Variants in FHIT observed in about 807,000 individuals in gnomAD.
FHIT encodes the protein bis(5'-adenosyl)-triphosphatase.
FHIT carries 19 observed loss-of-function variants against 17.9 expected under a neutral mutation model. The ratio of observed to expected loss-of-function variants is 1.06; its 90% CI spans 0.74 to 1.56. The LOEUF (loss-of-function observed/expected upper bound fraction) is 1.56, where lower values mean the gene tolerates loss of function less well. Ranked by LOEUF, FHIT falls within the 40% of genes most tolerant of loss-of-function variation. FHIT has a pLI of 0.00. For synonymous variants in FHIT, 81 were observed against 69.7 expected, an observed-to-expected ratio of 1.16 and a Z score of -0.81; for missense variants, 248 against 189.2, an observed-to-expected ratio of 1.31 and a Z score of -1.82.
intron 5 of FHIT, among the ~76,000 whole-genome samples, chr3:60,518,843 T>C (rs2035254897): frequency 6.6e-6 from 1 of 152,098 alleles, no homozygotes; most frequent in Admixed American, 6.5e-5. Flanking sequence ...ACTTCGTCTC[T>C]ACTAAAAATA....
At chr3:60,838,485 A>AAAAC (rs200216713) in intron 3 of FHIT, among the ~76,000 whole-genome samples, 25 of 152,114 alleles carry the variant, frequency 1.6e-4, no homozygotes, top group Admixed American at 3.9e-4. Context: ...AACAAAAACA[A>AAAAC]AAACAAACAA....
intron 3 of FHIT, among the ~76,000 whole-genome samples, chr3:60,943,549 T>C (rs1708507772): frequency 6.6e-6 from 1 of 152,194 alleles, no homozygotes; most frequent in African/African-American, 2.4e-5. Context: ...ATAGCTGTTC[T>C]CTCTATCCAA....
intron 5 of FHIT, among the ~76,000 whole-genome samples, chr3:60,480,452 C>T (rs1322388966): frequency 6.6e-6 from 1 of 152,170 alleles, no homozygotes; most frequent in Non-Finnish European, 1.5e-5. Flanking sequence ...CTAGCATTAA[C>T]ACAAAAGTTC....
At chr3:60,693,325 T>C (rs1398391368) in intron 4 of FHIT, among the ~76,000 whole-genome samples, 1 of 152,230 alleles carries the variant, frequency 6.6e-6, no homozygotes, top group Non-Finnish European at 1.5e-5. Context: ...TAAATAGGCA[T>C]GACTATGGCC....
At chr3:60,140,201 T>C (rs915960524) in intron 5 of FHIT, among the ~76,000 whole-genome samples, 3 of 152,174 alleles carry the variant, frequency 2.0e-5, no homozygotes, top group African/African-American at 7.2e-5. Context: ...TTTTGTACAT[T>C]TATGTACAGT....
At chr3:61,005,523 T>C (rs918842811) in intron 3 of FHIT, among the ~76,000 whole-genome samples, 2 of 152,090 alleles carry the variant, frequency 1.3e-5, no homozygotes, top group Admixed American at 1.3e-4. Flanking sequence ...CACCCTACTT[T>C]AACCTAGGAG....
intron 5 of FHIT, among the ~76,000 whole-genome samples, chr3:60,345,517 G>T (rs1710733208): frequency 6.6e-6 from 1 of 152,188 alleles, no homozygotes; most frequent in Admixed American, 6.5e-5. Flanking sequence ...ACAGAGAATG[G>T]ATAAATTATT....
At chr3:60,595,115 C>T (rs1197472006) in intron 4 of FHIT, among the ~76,000 whole-genome samples, 1 of 152,076 alleles carries the variant, frequency 6.6e-6, no homozygotes, top group Non-Finnish European at 1.5e-5. Flanking sequence ...ACAGTCTGGC[C>T]TCACCAAGAA....
At chr3:60,726,521 A>G (rs1373210960) in intron 4 of FHIT, among the ~76,000 whole-genome samples, 2 of 152,168 alleles carry the variant, frequency 1.3e-5, no homozygotes, top group Non-Finnish European at 2.9e-5. Context: ...GAGTCTGGTC[A>G]GTTTTCAGTG....
chr3:60,891,227 G>A (rs187363327), intron 3 of FHIT, among the ~76,000 whole-genome samples: 55 of 152,010 alleles, frequency 3.6e-4, no homozygotes, highest in East Asian at 1.4e-3. Flanking sequence ...CCCATCATCC[G>A]TGCACCCATC....
At chr3:60,893,821 C>T (rs1298859023) in intron 3 of FHIT, among the ~76,000 whole-genome samples, 6 of 152,170 alleles carry the variant, frequency 3.9e-5, no homozygotes, top group African/African-American at 1.4e-4. Context: ...TCAAGGATTC[C>T]ATCCACTATC....
chr3:60,103,121 C>T (rs572372651), intron 5 of FHIT, among the ~76,000 whole-genome samples: 15 of 152,158 alleles, frequency 9.9e-5, no homozygotes, highest in Admixed American at 2.0e-4. Flanking sequence ...GGTCTTTGCA[C>T]GTTCTCCTCT....
At chr3:59,974,514 G>C (rs1708325231) in intron 7 of FHIT, among the ~76,000 whole-genome samples, 2 of 152,108 alleles carry the variant, frequency 1.3e-5, no homozygotes, top group South Asian at 4.1e-4. Flanking sequence ...AACAAACACA[G>C]ACTTTATTTT....
At chr3:61,211,515 G>A (rs2039473387) in intron 1 of FHIT, among the ~76,000 whole-genome samples, 1 of 152,228 alleles carries the variant, frequency 6.6e-6, no homozygotes, top group South Asian at 2.1e-4. Context: ...CATGAACTGG[G>A]TAGAGCCCAC....
At chr3:60,322,096 C>T (rs1002880896) in intron 5 of FHIT, among the ~76,000 whole-genome samples, 3 of 152,196 alleles carry the variant, frequency 2.0e-5, no homozygotes, top group Admixed American at 2.0e-4. Flanking sequence ...TCAAGAAACA[C>T]ATTTGTCCAG....
At chr3:60,872,293 T>C (rs1314138497) in intron 3 of FHIT, among the ~76,000 whole-genome samples, 1 of 152,174 alleles carries the variant, frequency 6.6e-6, no homozygotes, top group Non-Finnish European at 1.5e-5. Flanking sequence ...TAAAAACTTG[T>C]AGCAGAAAGT....
intron 2 of FHIT, among the ~76,000 whole-genome samples, chr3:61,045,526 A>G (rs1190297956): frequency 6.6e-6 from 1 of 152,178 alleles, no homozygotes; most frequent in Non-Finnish European, 1.5e-5. Context: ...TTAGACTCCC[A>G]CACAATAATA....
intron 5 of FHIT, among the ~76,000 whole-genome samples, chr3:60,050,709 T>C (rs947555364): frequency 6.6e-6 from 1 of 152,178 alleles, no homozygotes; most frequent in African/African-American, 2.4e-5. Flanking sequence ...CACCATCTTT[T>C]TCTGGGTTAT....
intron 7 of FHIT, among the ~76,000 whole-genome samples, chr3:59,959,811 C>G (rs936808259): frequency 6.6e-6 from 1 of 152,106 alleles, no homozygotes; most frequent in Admixed American, 6.5e-5. Context: ...TGACAAAGAT[C>G]TGGATTTGGG....
Sources: allele counts gnomAD v4.1 joint callset (sites outside exome capture counted in the v4.1 genomes callset), GRCh38; gene constraint gnomAD v4.1.1; transcripts MANE v1.5; gene names NCBI Gene and HGNC (gene_info 2026-07-23, HGNC 2026-07-21).